The following MYT1L variants were observed in gnomAD, a reference collection of about 807,000 sequenced individuals.
MYT1L encodes myelin transcription factor 1-like protein.
In MYT1L, 12 loss-of-function variants were observed where a neutral mutation model predicts 126.7. That is an observed-to-expected ratio of 0.09 (90% confidence interval 0.06 to 0.15). The LOEUF (loss-of-function observed/expected upper bound fraction) is 0.15, where lower values mean the gene tolerates loss of function less well. Ranked by LOEUF, MYT1L falls within the 10% of genes least tolerant of loss-of-function variation. The pLI is 1.00. For missense variants in MYT1L, 979 were observed against 1,585.2 expected, an observed-to-expected ratio of 0.62 and a Z score of 6.49; for synonymous variants, 541 against 604.2, an observed-to-expected ratio of 0.90 and a Z score of 1.53.
At chr2:2,175,948 T>C (rs918439262) in intron 2 of MYT1L, among the ~76,000 whole-genome samples, 2 of 152,206 alleles carry the variant, frequency 1.3e-5, no homozygotes, top group Non-Finnish European at 2.9e-5. Flanking sequence ...AAGCTGCCTG[T>C]ACTATGGAGT....
intron 4 of MYT1L, among the ~76,000 whole-genome samples, chr2:2,029,091 TAAC>T (rs1263786163): frequency 6.6e-6 from 1 of 152,208 alleles, no homozygotes; most frequent in Admixed American, 6.5e-5. Flanking sequence ...ATCTTGGTAT[TAAC>T]AACTCAGAAT....
intron 21 of MYT1L, among the ~76,000 whole-genome samples, chr2:1,832,872 A>G (rs1392574286): frequency 2.6e-5 from 4 of 152,056 alleles, no homozygotes; most frequent in African/African-American, 7.2e-5. Flanking sequence ...AGCATCTGTA[A>G]TCTCCTTCAC....
In MYT1L at chr2:2,316,818, A is replaced by AT. The variant is rs944981858; in HGVS notation, c.-521+14148dup. On this transcript the variant is annotated intron_variant, in intron 1 of 24. Transcript: ENST00000647738. ...TTCTTTTCTTTCCTTTTATTTATTT[A>AT]TTTTTTTTTCGAGACAGAGTCTCGC... is the stretch of plus-strand genomic sequence containing the variant. Among the ~76,000 whole-genome samples, 30 of 150,168 alleles carry AT rather than the reference A, an allele frequency of 2.0e-4. No individual in the cohort carries two copies. The East Asian group carries it at 4.9e-3, about 25-fold the overall frequency.
chr2:2,154,474 A>G (rs568457787), intron 3 of MYT1L, among the ~76,000 whole-genome samples: 1 of 152,240 alleles, frequency 6.6e-6, no homozygotes, highest in Non-Finnish European at 1.5e-5. Context: ...TGTGGTACAT[A>G]TACACCATGG....
chr2:2,171,636 T>C (rs1440312741), intron 3 of MYT1L, among the ~76,000 whole-genome samples: 2 of 152,212 alleles, frequency 1.3e-5, no homozygotes, highest in African/African-American at 4.8e-5. Flanking sequence ...GTTGTTGTTG[T>C]TGTTGTTTTA....
chr2:2,316,504 C>A (rs1231793740), intron 1 of MYT1L, among the ~76,000 whole-genome samples: 1 of 152,206 alleles, frequency 6.6e-6, no homozygotes, highest in African/African-American at 2.4e-5. Context: ...AAGGATCATG[C>A]CAAGCCATGT....
chr2:1,978,672 T>G (rs557492050), intron 8 of MYT1L, among the ~76,000 whole-genome samples: 4 of 152,202 alleles, frequency 2.6e-5, no homozygotes, highest in Non-Finnish European at 5.9e-5. Context: ...TCACTTGACC[T>G]GACCTCACCC....
At chr2:2,269,291 T>C (rs1240330578) in intron 2 of MYT1L, among the ~76,000 whole-genome samples, 3 of 152,242 alleles carry the variant, frequency 2.0e-5, no homozygotes, top group Admixed American at 6.5e-5. Flanking sequence ...GAAGCTTCTG[T>C]ATTCTCAGGC....
intron 2 of MYT1L, among the ~76,000 whole-genome samples, chr2:2,272,970 A>C: frequency 6.6e-6 from 1 of 150,682 alleles, no homozygotes; most frequent in Non-Finnish European, 1.5e-5. Flanking sequence ...CCTTCTCTCC[A>C]CTCCAGCTCC....
At chr2:2,104,389 T>A (rs542907929) in intron 3 of MYT1L, among the ~76,000 whole-genome samples, 1 of 152,332 alleles carries the variant, frequency 6.6e-6, no homozygotes, top group Admixed American at 6.5e-5. Context: ...ATATTAAAGA[T>A]GGAATCAGAT....
chr2:1,856,981 A>G (rs779510845), intron 18 of MYT1L, among the ~76,000 whole-genome samples: 19 of 152,234 alleles, frequency 1.2e-4, no homozygotes, highest in Non-Finnish European at 2.2e-4. Flanking sequence ...ACCCAGAGTC[A>G]GTGAGGACAA....
chr2:2,067,192 C>T (rs1175522507), intron 3 of MYT1L, among the ~76,000 whole-genome samples: 2 of 152,112 alleles, frequency 1.3e-5, no homozygotes, highest in Non-Finnish European at 2.9e-5. Context: ...TATTCTGAAG[C>T]TGTAGTAATT....
rs771270159 is a variant in MYT1L, at chr2:1,886,519, T to C, written c.2711+20A>G. ...GAGTGCATGGATTTTTAAAAGAGAATTATTGTCATTAAATCTTACTTGAGT... is the reference window on the plus strand; with the variant it reads ...GAGTGCATGGATTTTTAAAAGAGAACTATTGTCATTAAATCTTACTTGAGT... On this transcript the variant is annotated intron_variant, in intron 18 of 24. Transcript: ENST00000647738. 5.8e-6 allele frequency: 9 copies of C among 1,542,644 alleles called. No individual in the cohort carries two copies. The South Asian group carries it at 1.0e-4, about 17-fold the overall frequency.
chr2:1,857,838 A>G (rs2044103103), intron 18 of MYT1L, among the ~76,000 whole-genome samples: 1 of 151,288 alleles, frequency 6.6e-6, no homozygotes. Context: ...ATGGTAAAAA[A>G]AATTTTTTAA....
At chr2:2,253,073 A>G (rs533711237) in intron 2 of MYT1L, among the ~76,000 whole-genome samples, 1 of 152,252 alleles carries the variant, frequency 6.6e-6, no homozygotes, top group Admixed American at 6.5e-5. Context: ...TCAATCAAAG[A>G]GAAGAACATA....
intron 2 of MYT1L, among the ~76,000 whole-genome samples, chr2:2,181,849 T>C (rs188235967): frequency 1.9e-3 from 288 of 152,316 alleles, no homozygotes; most frequent in Admixed American, 4.6e-3. Flanking sequence ...ATGCTCATTA[T>C]TTCATTTGAT....
chr2:1,876,310 T>G (rs1331284916), intron 18 of MYT1L, among the ~76,000 whole-genome samples: 1 of 151,904 alleles, frequency 6.6e-6, no homozygotes, highest in Non-Finnish European at 1.5e-5. Flanking sequence ...AAGGGGTGGG[T>G]CTTGGCATCC....
intron 22 of MYT1L, chr2:1,802,087 T>C: frequency 3.5e-6 from 1 of 284,092 alleles, no homozygotes. Flanking sequence ...ACCTGGGTCT[T>C]AGATGTATCG....
intron 1 of MYT1L, among the ~76,000 whole-genome samples, chr2:2,329,361 T>A (rs76670619): frequency 0.098 from 14,841 of 151,992 alleles, 958 homozygotes; most frequent in South Asian, 0.27. Context: ...TTTTTTTAGA[T>A]GTTGATAATT....
Sources: allele counts gnomAD v4.1 joint callset (sites outside exome capture counted in the v4.1 genomes callset), GRCh38; gene constraint gnomAD v4.1.1; transcripts MANE v1.5; gene names NCBI Gene and HGNC (gene_info 2026-07-23, HGNC 2026-07-21).